The following MARCHF8 variants were observed in gnomAD, a reference collection of about 807,000 sequenced individuals.
MARCHF8 encodes membrane associated ring-CH-type finger 8, also known as E3 ubiquitin-protein ligase MARCHF8.
Under a neutral mutation model 51.6 loss-of-function variants are expected in MARCHF8, and 40 were observed. The observed-to-expected ratio is 0.77, with a 90% CI of 0.60 to 1.01. The LOEUF is 1.01. Ranked by LOEUF, MARCHF8 falls within the 50% of genes least tolerant of loss-of-function variation. The probability of loss-of-function intolerance (pLI) is 0.00; values close to 1 mark genes in which losing one functional copy is unlikely to be tolerated. For synonymous variants in MARCHF8, 263 were observed against 280.3 expected (o/e 0.94, Z 0.62); for missense variants, 685 against 708.6 (o/e 0.97, Z 0.38).
chr10:45,462,873 G>A (rs1031978862), intron 5 of MARCHF8, among the ~76,000 whole-genome samples: 3 of 152,026 alleles, frequency 2.0e-5, no homozygotes, highest in African/African-American at 7.2e-5. Flanking sequence ...TGATCCACCC[G>A]CCTCAGCCTC....
intron 1 of MARCHF8, among the ~76,000 whole-genome samples, chr10:45,569,670 T>C (rs569732333): frequency 6.4e-4 from 98 of 152,178 alleles, no homozygotes; most frequent in Non-Finnish European, 1.2e-3. Context: ...TGTGTGAAGA[T>C]GACTCAAATT....
chr10:45,488,009 G>A (rs2043013970), intron 3 of MARCHF8, among the ~76,000 whole-genome samples: 1 of 152,102 alleles, frequency 6.6e-6, no homozygotes, highest in African/African-American at 2.4e-5. Context: ...CGAAGGGGTT[G>A]GCCAGAGTCA....
intron 2 of MARCHF8, among the ~76,000 whole-genome samples, chr10:45,508,281 T>C (rs1284681527): frequency 6.7e-6 from 1 of 149,950 alleles, no homozygotes; most frequent in African/African-American, 2.5e-5. Flanking sequence ...AAACTGTCTC[T>C]GAGATTTATA....
intron 3 of MARCHF8, among the ~76,000 whole-genome samples, chr10:45,472,303 T>C (rs2042707046): frequency 6.6e-6 from 1 of 152,236 alleles, no homozygotes. Flanking sequence ...TAAGAAGATG[T>C]TACTGGGATA....
chr10:45,496,901 A>G (rs540923254), intron 2 of MARCHF8, among the ~76,000 whole-genome samples: 2 of 152,256 alleles, frequency 1.3e-5, no homozygotes, highest in East Asian at 3.9e-4. Flanking sequence ...AGAAAGCAAT[A>G]AAGGAAGAAC....
chr10:45,459,283 A>C lies in MARCHF8; in HGVS notation c.1270-16T>G, dbSNP rs377665686. The C allele has an allele frequency of 1.2e-4, 193 of 1,613,338 alleles. No individual in the cohort carries two copies. The South Asian group carries it at 2.0e-3, about 16-fold the overall frequency. Reference sequence around the variant, plus strand: ...ACTTCTCCCACTAGAAAGACAACACAGAGTGTGAGGCTCAGGCTTCTGGGG... The same window carrying C: ...ACTTCTCCCACTAGAAAGACAACACCGAGTGTGAGGCTCAGGCTTCTGGGG... On this transcript the variant is annotated splice_polypyrimidine_tract_variant and intron_variant, in intron 6 of 7. Coordinates refer to ENST00000453424, the MANE Select transcript of MARCHF8 (RefSeq NM_001282866.2).
chr10:45,473,999 T>C (rs151299050), intron 3 of MARCHF8, among the ~76,000 whole-genome samples: 1 of 152,316 alleles, frequency 6.6e-6, no homozygotes, highest in African/African-American at 2.4e-5. Flanking sequence ...TCCTTCAACT[T>C]GGGTTCCCTG....
At chr10:45,582,870 G>T (rs1172970949) in intron 1 of MARCHF8, among the ~76,000 whole-genome samples, 1 of 152,160 alleles carries the variant, frequency 6.6e-6, no homozygotes, top group Admixed American at 6.5e-5. Flanking sequence ...CTACTACCTG[G>T]CTTTGCAGAT....
intron 1 of MARCHF8, among the ~76,000 whole-genome samples, chr10:45,557,583 G>C (rs563416846): frequency 7.2e-5 from 11 of 152,248 alleles, no homozygotes; most frequent in South Asian, 2.1e-4. Flanking sequence ...AGTCCTTAAA[G>C]AAAATAGGAA....
chr10:45,482,074 T>C (rs1159541930), intron 3 of MARCHF8, among the ~76,000 whole-genome samples: 1 of 152,020 alleles, frequency 6.6e-6, no homozygotes, highest in Non-Finnish European at 1.5e-5. Flanking sequence ...ACAATAGCTA[T>C]ACAAAATAAA....
intron 2 of MARCHF8, among the ~76,000 whole-genome samples, chr10:45,491,624 A>T (rs1317800297): frequency 6.6e-6 from 1 of 152,246 alleles, no homozygotes; most frequent in African/African-American, 2.4e-5. Flanking sequence ...TGGGAATGAA[A>T]GCCCTCTGTC....
At chr10:45,471,294 T>G (rs967464042) in intron 3 of MARCHF8, among the ~76,000 whole-genome samples, 1 of 152,156 alleles carries the variant, frequency 6.6e-6, no homozygotes, top group Non-Finnish European at 1.5e-5. Flanking sequence ...ACAGCACTGG[T>G]GGAGGGGACA....
At chr10:45,472,751 C>A (rs1354782790) in intron 3 of MARCHF8, among the ~76,000 whole-genome samples, 1 of 152,124 alleles carries the variant, frequency 6.6e-6, no homozygotes, top group Admixed American at 6.5e-5. Flanking sequence ...CTGTAACAGT[C>A]AGATGAAAAA....
At chr10:45,507,995 CA>C (rs1460809371) in intron 2 of MARCHF8, among the ~76,000 whole-genome samples, 2 of 151,918 alleles carry the variant, frequency 1.3e-5, no homozygotes, top group Non-Finnish European at 1.5e-5. Flanking sequence ...TCTGTTTTAC[CA>C]AAATAGTTTT....
chr10:45,461,453 TGAC>T (rs780500207), intron 5 of MARCHF8, 42 bp from the exon 6 acceptor site: 2 of 1,450,102 alleles, frequency 1.4e-6, no homozygotes, highest in Non-Finnish European at 1.8e-6. Flanking sequence ...GACAGTCCCA[TGAC>T]AGGGAAGCTG....
At chr10:45,563,307 G>A (rs1351110103) in intron 1 of MARCHF8, among the ~76,000 whole-genome samples, 9 of 152,082 alleles carry the variant, frequency 5.9e-5, no homozygotes, top group African/African-American at 1.7e-4. Context: ...AATTACAGCC[G>A]TGAGCCACTG....
chr10:45,494,180 T>C (rs541950028), intron 2 of MARCHF8, among the ~76,000 whole-genome samples: 162 of 152,346 alleles, frequency 1.1e-3, no homozygotes, highest in Non-Finnish European at 2.1e-3. Flanking sequence ...AAGGCACATT[T>C]TACAATTTAA....
chr10:45,487,559 G>C (rs771913260), intron 3 of MARCHF8, among the ~76,000 whole-genome samples: 2 of 152,156 alleles, frequency 1.3e-5, no homozygotes, highest in Non-Finnish European at 2.9e-5. Context: ...GGGCAGCAAT[G>C]GTTTACCACT....
In MARCHF8 at chr10:45,482,754, C is replaced by CA. The variant is rs1242142391; in HGVS notation, c.153+6612dup. ...TGGGCGACAGAGCAAGACTCTATCT[C>CA]AAAAAACAAACAAACAACAACAACA... On this transcript the variant is annotated intron_variant, in intron 3 of 7. Transcript: ENST00000453424. Among the ~76,000 whole-genome samples the CA allele has an allele frequency of 4.0e-5, 6 of 151,636 alleles. No homozygotes were observed. In the East Asian group the frequency reaches 1.2e-3, roughly 29 times the overall value.
Sources: gnomAD v4.1 joint callset for allele counts (sites outside exome capture counted in the v4.1 genomes callset) on GRCh38, gnomAD v4.1.1 for gene constraint, MANE v1.5 for transcripts, NCBI Gene and HGNC (gene_info 2026-07-23, HGNC 2026-07-21) for gene names.